The following CAP2 variants were observed in gnomAD, a reference collection of about 807,000 sequenced individuals.
The protein encoded by CAP2 is adenylyl cyclase-associated protein 2.
A neutral mutation model predicts 57.7 loss-of-function variants in CAP2; 24 were observed. That is an observed-to-expected ratio of 0.42 (90% confidence interval 0.30 to 0.58). The LOEUF is 0.58. Among genes scored for constraint, CAP2 ranks in the 20% least tolerant of loss-of-function variants. The pLI is 0.22. For synonymous variants in CAP2, 194 were observed against 207.2 expected (o/e 0.94, Z 0.55); for missense variants, 501 against 590.3 (o/e 0.85, Z 1.57).
intron 4 of CAP2, among the ~76,000 whole-genome samples, chr6:17,505,374 A>T (rs953598479): frequency 6.6e-6 from 1 of 152,246 alleles, no homozygotes; most frequent in Non-Finnish European, 1.5e-5. Context: ...TCCGTGGCAG[A>T]AATGACTGCC....
At chr6:17,450,142 C>T (rs1760365893) in intron 3 of CAP2, among the ~76,000 whole-genome samples, 1 of 151,924 alleles carries the variant, frequency 6.6e-6, no homozygotes, top group Non-Finnish European at 1.5e-5. Context: ...AGCTCCGCCT[C>T]CCAGGTTCAC....
chr6:17,462,448 A>G (rs1760753685), intron 3 of CAP2, among the ~76,000 whole-genome samples: 1 of 152,140 alleles, frequency 6.6e-6, no homozygotes, highest in African/African-American at 2.4e-5. Context: ...TTTGAAGTGT[A>G]TGATTCAGTA....
intron 4 of CAP2, among the ~76,000 whole-genome samples, chr6:17,493,106 A>C (rs780170732): frequency 3.3e-5 from 5 of 152,226 alleles, no homozygotes; most frequent in South Asian, 2.1e-4. Flanking sequence ...TTCTTTAGAG[A>C]GGTACATTTT....
chr6:17,473,249 C>T (rs963047839), intron 4 of CAP2, among the ~76,000 whole-genome samples: 4 of 152,088 alleles, frequency 2.6e-5, no homozygotes, highest in Admixed American at 2.6e-4. Flanking sequence ...TTCCAGACTG[C>T]CTTGATGGCA....
At chr6:17,487,668 AC>A (rs1761451874) in intron 4 of CAP2, among the ~76,000 whole-genome samples, 1 of 152,110 alleles carries the variant, frequency 6.6e-6, no homozygotes, top group Admixed American at 6.6e-5. Context: ...CGGGGGTTTC[AC>A]CATGTTGGCC....
chr6:17,417,608 C>T (rs544148095), intron 1 of CAP2, among the ~76,000 whole-genome samples: 2 of 152,248 alleles, frequency 1.3e-5, no homozygotes, highest in African/African-American at 2.4e-5. Flanking sequence ...GAAAGTTGTG[C>T]GATGTTATGT....
chr6:17,478,489 A>G (rs545546184), intron 4 of CAP2, among the ~76,000 whole-genome samples: 47 of 151,976 alleles, frequency 3.1e-4, no homozygotes, highest in Non-Finnish European at 5.9e-4. Flanking sequence ...ATCTGATAAC[A>G]TTATAAATAT....
At chr6:17,473,873 A>G (rs1282346970) in intron 4 of CAP2, among the ~76,000 whole-genome samples, 2 of 152,216 alleles carry the variant, frequency 1.3e-5, no homozygotes, top group African/African-American at 4.8e-5. Flanking sequence ...AGTACTTTTA[A>G]TTTGTATATT....
intron 1 of CAP2, among the ~76,000 whole-genome samples, chr6:17,403,593 A>T (rs539243139): frequency 6.6e-6 from 1 of 152,372 alleles, no homozygotes; most frequent in East Asian, 1.9e-4. Context: ...GTATCAGAAT[A>T]GCTTTTTTTA....
intron 4 of CAP2, among the ~76,000 whole-genome samples, chr6:17,464,307 A>G (rs928177047): frequency 2.3e-4 from 35 of 152,236 alleles, no homozygotes; most frequent in Admixed American, 6.5e-4. Context: ...TAAATTGAGC[A>G]TATGTTATGA....
intron 4 of CAP2, among the ~76,000 whole-genome samples, chr6:17,497,064 C>T (rs1761687411): frequency 6.6e-6 from 1 of 152,324 alleles, no homozygotes; most frequent in South Asian, 2.1e-4. Flanking sequence ...AGTCAATGCA[C>T]ATCAAATGTT....
intron 3 of CAP2, among the ~76,000 whole-genome samples, chr6:17,446,966 T>C (rs1300134904): frequency 6.6e-6 from 1 of 152,190 alleles, no homozygotes; most frequent in Admixed American, 6.5e-5. Context: ...TAGTGAGTTC[T>C]CAATGCAGGT....
rs564617510 is a variant in CAP2 at position 17,431,326 on chromosome 6, TA to T, written c.222+4644del. Among the ~76,000 whole-genome samples, 835 of 152,070 alleles carry T rather than the reference TA, an allele frequency of 5.5e-3. 3 individuals are homozygous for T. Among genetic ancestry groups the T allele is most frequent in the African/African-American group, 0.019 (782 of 41,498 alleles). Reference sequence around the variant, plus strand: ...CTAGAAGTTTAAAAAAAGATATCGTTAAAAAAAATAATTTTTATTAATTATT... The same window carrying T: ...CTAGAAGTTTAAAAAAAGATATCGTTAAAAAAATAATTTTTATTAATTATT... On this transcript the variant is annotated intron_variant, in intron 3 of 12. Coordinates refer to ENST00000229922, the MANE Select transcript of CAP2 (RefSeq NM_006366.3).
At chr6:17,447,521 C>T (rs548219227) in intron 3 of CAP2, among the ~76,000 whole-genome samples, 7 of 152,306 alleles carry the variant, frequency 4.6e-5, no homozygotes, top group East Asian at 3.9e-4. Flanking sequence ...TTTTCTGAGA[C>T]GGAGTCTTGC....
intron 4 of CAP2, among the ~76,000 whole-genome samples, chr6:17,470,234 C>G (rs1169483047): frequency 6.6e-6 from 1 of 152,176 alleles, no homozygotes; most frequent in African/African-American, 2.4e-5. Context: ...CTAACCAAAC[C>G]AACTTGTCAA....
At chr6:17,399,042 A>G (rs943425525) in intron 1 of CAP2, among the ~76,000 whole-genome samples, 4 of 152,020 alleles carry the variant, frequency 2.6e-5, no homozygotes, top group Non-Finnish European at 5.9e-5. Context: ...ACCTTATACA[A>G]TATTTGTCCT....
intron 4 of CAP2, among the ~76,000 whole-genome samples, chr6:17,479,426 T>C (rs1226222445): frequency 6.6e-6 from 1 of 151,862 alleles, no homozygotes; most frequent in East Asian, 1.9e-4. Context: ...ATGTGAAAAC[T>C]TCACTTCATT....
chr6:17,397,029 G>GT (rs556173882), intron 1 of CAP2, among the ~76,000 whole-genome samples: 2 of 152,092 alleles, frequency 1.3e-5, no homozygotes, highest in African/African-American at 4.8e-5. Context: ...GTTTAGGTTT[G>GT]TTTTTTTGGT....
intron 7 of CAP2, among the ~76,000 whole-genome samples, chr6:17,530,476 G>A (rs115982911): frequency 0.016 from 2,509 of 152,206 alleles, 23 homozygotes; most frequent in Middle Eastern, 0.031. Flanking sequence ...GGTGGTTATT[G>A]GGCCAGGATA....
Sources: allele counts gnomAD v4.1 joint callset (sites outside exome capture counted in the v4.1 genomes callset), GRCh38; gene constraint gnomAD v4.1.1; transcripts MANE v1.5; gene names NCBI Gene and HGNC (gene_info 2026-07-23, HGNC 2026-07-21).